Variants in MGST1 observed in about 807,000 individuals in gnomAD.
The protein encoded by MGST1 is glutathione S-transferase 12.
Under a neutral mutation model 8.9 loss-of-function variants are expected in MGST1, and 5 were observed. The observed-to-expected ratio is 0.56, with a 90% confidence interval of 0.29 to 1.19. MGST1 has a LOEUF of 1.19. Ranked by LOEUF, MGST1 falls within the 50% of genes most tolerant of loss-of-function variation. MGST1 has a pLI of 0.08. For missense variants in MGST1, 182 were observed against 187.4 expected, an observed-to-expected ratio of 0.97 and a Z score of 0.17; for synonymous variants, 54 against 67.8, an observed-to-expected ratio of 0.80 and a Z score of 1.00.
rs1486050784 is a variant in MGST1 at position 16,385,521 on chromosome 12, A to G, written n.778+1917A>G. 2.0e-5 allele frequency among the ~76,000 whole-genome samples: 3 copies of G among 152,216 alleles called. No homozygotes were observed. The East Asian group carries it at 5.8e-4, about 29-fold the overall frequency. On this transcript the variant is annotated intron_variant and non_coding_transcript_variant, in intron 1 of 1. Transcript: ENST00000359720. ...TCAATATTTTTCTCAAGTAAAATCC[A>G]CTATAATTTTTACCGGCTAAATTTA...
At position 16,543,964 on chromosome 12, in the gene MGST1, T is replaced by C. The variant is rs144719674; in HGVS notation, n.483-45564T>C. ...GTTGACTTATTCTTCTGTTTCTTTATTGACATCTCAGTGTCCAACTAGTGT... is the reference window on the plus strand; with the variant it reads ...GTTGACTTATTCTTCTGTTTCTTTACTGACATCTCAGTGTCCAACTAGTGT... On this transcript the variant is annotated intron_variant and non_coding_transcript_variant, in intron 4 of 4. Coordinates refer to the MGST1 transcript ENST00000538857. 2.0e-5 allele frequency among the ~76,000 whole-genome samples: 3 copies of C among 152,224 alleles called. No individual in the cohort carries two copies. The East Asian group carries it at 5.8e-4, about 29-fold the overall frequency.
At chr12:16,552,481 C>G (rs922900553) in intron 4 of MGST1, among the ~76,000 whole-genome samples, 1 of 152,012 alleles carries the variant, frequency 6.6e-6, no homozygotes, top group African/African-American at 2.4e-5. Flanking sequence ...GACTGATTTA[C>G]ATTTGCAAAG....
Position 16,390,342 on chromosome 12 carries a change from T to C in MGST1, n.778+6738T>C, listed in dbSNP as rs115496906. On this transcript the variant is annotated intron_variant and non_coding_transcript_variant, in intron 1 of 1. Transcript: ENST00000359720. ...ACTCTAAACATATGCATATTTGCTA[T>C]ATAGGCAAACTCATGTCTTGGGGGT... Among the ~76,000 whole-genome samples, 329 of 152,334 alleles carry C rather than the reference T, an allele frequency of 2.2e-3. 2 individuals are homozygous for C. The highest frequency in any genetic ancestry group is 7.2e-3 in the African/African-American group (298 of 41,580).
chr12:16,478,935 A>G (rs541644765), intron 4 of MGST1, among the ~76,000 whole-genome samples: 1 of 152,240 alleles, frequency 6.6e-6, no homozygotes, highest in African/African-American at 2.4e-5. Context: ...CCAAAATAAA[A>G]CATATCACTA....
Position 16,364,361 on chromosome 12 carries a change from A to G in MGST1, c.*320A>G, listed in dbSNP as rs984707680. 4.7e-5 allele frequency: 48 copies of G among 1,016,240 alleles called. No individual in the cohort carries two copies. Among genetic ancestry groups the G allele is most frequent in the Non-Finnish European group, 5.5e-5 (47 of 848,234 alleles). 63.0% of individuals were successfully genotyped at this position (1,016,240 alleles called of 1,614,324 possible). Reference sequence around the variant, plus strand: ...AAAGAATTGCACGTATGAGAAACCTATATTTCAATACTGCTGAAACAGACA... The same window carrying G: ...AAAGAATTGCACGTATGAGAAACCTGTATTTCAATACTGCTGAAACAGACA... On this transcript the variant is annotated 3_prime_UTR_variant, in exon 4 of 4. Transcript: ENST00000396210. This position sits in a 1 kb window ranked among gnomAD's most constrained non-coding sequence, Gnocchi z 5.7.
intron 4 of MGST1, among the ~76,000 whole-genome samples, chr12:16,488,869 G>A (rs1941418101): frequency 6.6e-6 from 1 of 152,098 alleles, no homozygotes; most frequent in Non-Finnish European, 1.5e-5. Flanking sequence ...GCTGCTCCAA[G>A]AGGCTGAGGC....
At chr12:16,403,736 CAGA>C (rs1940678282) in intron 1 of MGST1, among the ~76,000 whole-genome samples, 1 of 151,960 alleles carries the variant, frequency 6.6e-6, no homozygotes, top group South Asian at 2.1e-4. Context: ...ATAGTCATGG[CAGA>C]AGGTGAAGGG....
chr12:16,454,645 A>G lies in MGST1; in HGVS notation n.482+71041A>G, dbSNP rs564668397. Among the ~76,000 whole-genome samples, 6 of 151,976 alleles carry G rather than the reference A, an allele frequency of 3.9e-5. No individual in the cohort carries two copies. In the South Asian group the frequency reaches 8.3e-4, roughly 21 times the overall value. ...TTTCAACTATGACAAGCTGTTTCACATATTTCATTTCTGACGTCACAGAAT... is the reference window on the plus strand; with the variant it reads ...TTTCAACTATGACAAGCTGTTTCACGTATTTCATTTCTGACGTCACAGAAT... On this transcript the variant is annotated intron_variant and non_coding_transcript_variant, in intron 4 of 4. Coordinates refer to the MGST1 transcript ENST00000538857.
downstream of MGST1, among the ~76,000 whole-genome samples, chr12:16,441,516 C>T (rs532475433): frequency 4.6e-5 from 7 of 151,960 alleles, no homozygotes; most frequent in African/African-American, 7.2e-5. Flanking sequence ...CTGTTGCTAG[C>T]GATCATTGAC....
chr12:16,477,758 G>A (rs1270702240), intron 4 of MGST1, among the ~76,000 whole-genome samples: 2 of 152,114 alleles, frequency 1.3e-5, no homozygotes. Flanking sequence ...CAGTAGGTTA[G>A]ATCATGCATC....
intron 4 of MGST1, among the ~76,000 whole-genome samples, chr12:16,571,046 T>A (rs550852289): frequency 1.3e-3 from 199 of 152,150 alleles, no homozygotes; most frequent in African/African-American, 3.9e-3. Flanking sequence ...TAATAAATTT[T>A]AAAAAAATCT....
At chr12:16,416,084 G>T (rs973040715) in intron 1 of MGST1, among the ~76,000 whole-genome samples, 2 of 152,074 alleles carry the variant, frequency 1.3e-5, no homozygotes, top group Non-Finnish European at 2.9e-5. Context: ...GGTCACCTGG[G>T]CCTACCATTT....
intron 4 of MGST1, among the ~76,000 whole-genome samples, chr12:16,494,020 T>C (rs1941455458): frequency 6.6e-6 from 1 of 152,086 alleles, no homozygotes; most frequent in Admixed American, 6.6e-5. Context: ...CATAAGAGGG[T>C]GACTTTTTTC....
At chr12:16,397,489 A>G (rs984175473) in intron 1 of MGST1, among the ~76,000 whole-genome samples, 1 of 152,176 alleles carries the variant, frequency 6.6e-6, no homozygotes, top group Non-Finnish European at 1.5e-5. Context: ...GTAAACAGAC[A>G]ACACAGAGGG....
intron 4 of MGST1, among the ~76,000 whole-genome samples, chr12:16,488,149 A>C (rs1941412813): frequency 1.3e-5 from 2 of 152,182 alleles, no homozygotes; most frequent in Admixed American, 1.3e-4. Flanking sequence ...GGAGAATGTG[A>C]AGTTGAATTA....
downstream of MGST1, among the ~76,000 whole-genome samples, chr12:16,439,790 T>G (rs1941023943): frequency 6.6e-6 from 1 of 151,856 alleles, no homozygotes. Context: ...ATTAATTAAA[T>G]CAACAATTAG....
chr12:16,462,654 G>A (rs1479180339), intron 4 of MGST1, among the ~76,000 whole-genome samples: 1 of 152,040 alleles, frequency 6.6e-6, no homozygotes, highest in Non-Finnish European at 1.5e-5. Context: ...GGCAGAAGTT[G>A]TTCTAGATGC....
intron 3 of MGST1, 67 bp downstream of exon 3, chr12:16,357,766 T>A: frequency 7.6e-7 from 1 of 1,311,344 alleles, no homozygotes; most frequent in Middle Eastern, 1.8e-4. Flanking sequence ...TCAGTGAAGA[T>A]GTCTCAGGGT....
chr12:16,466,421 G>A (rs1018311037), intron 4 of MGST1, among the ~76,000 whole-genome samples: 1 of 152,186 alleles, frequency 6.6e-6, no homozygotes, highest in East Asian at 1.9e-4. Flanking sequence ...AGCTTGATAG[G>A]ACACTTTAAC....
Sources: allele counts gnomAD v4.1 joint callset (sites outside exome capture counted in the v4.1 genomes callset), GRCh38; gene constraint gnomAD v4.1.1; non-coding constraint Gnocchi (gnomAD v3.1); transcripts MANE v1.5; gene names NCBI Gene and HGNC (gene_info 2026-07-23, HGNC 2026-07-21).